Variants in UBR3 observed in about 807,000 individuals in gnomAD.
UBR3 encodes E3 ubiquitin-protein ligase UBR3.
Under a neutral mutation model 243.2 loss-of-function variants are expected in UBR3, and 85 were observed. That is an observed-to-expected ratio of 0.35 (90% CI 0.29 to 0.42). UBR3 has a LOEUF of 0.42. UBR3 is among the 10% of genes least tolerant of loss of function. The pLI is 1.00. For synonymous variants in UBR3, 748 were observed against 799.8 expected (o/e 0.94, Z 1.09); for missense variants, 1,686 against 2,300.8 (o/e 0.73, Z 5.47).
chr2:169,895,113 GT>G, intron 6 of UBR3, 67 bp from the exon 7 acceptor site: 2 of 1,396,038 alleles, frequency 1.4e-6, no homozygotes, highest in Non-Finnish European at 1.9e-6. Context: ...TGGTTTATGG[GT>G]TATTAGTTAT....
Position 169,878,538 on chromosome 2 carries a change from A to G in UBR3, c.1002A>G (p.Ala334=). Residue 334 remains alanine (A), a synonymous_variant, in exon 5 of 39, where the codon GCA becomes GCG. Coordinates refer to ENST00000272793, the MANE Select transcript of UBR3 (RefSeq NM_172070.4). ...SSLAVQGFIG[A]TGTLGQVDSS... ...TCTCCTCCAAAGGTTTCATAGGCGC[A>G]ACAGGAACTTTGGGACAAGTGGATT... is the stretch of plus-strand genomic sequence containing the variant. 1 of 1,551,486 alleles carries G rather than the reference A, an allele frequency of 6.4e-7. No individual in the cohort carries two copies. Among genetic ancestry groups the G allele is most frequent in the South Asian group, 1.2e-5 (1 of 83,910 alleles).
At chr2:170,064,131 C>T (rs1488710109) in intron 35 of UBR3, among the ~76,000 whole-genome samples, 1 of 152,130 alleles carries the variant, frequency 6.6e-6, no homozygotes, top group African/African-American at 2.4e-5. Flanking sequence ...ATATACTTAG[C>T]CAGTTAAATT....
At chr2:169,881,712 G>GTA (rs199578146) in intron 5 of UBR3, among the ~76,000 whole-genome samples, 10,086 of 126,814 alleles carry the variant, frequency 0.08, 518 homozygotes, top group African/African-American at 0.15. Flanking sequence ...AATTATATAT[G>GTA]TATATGTATA....
intron 24 of UBR3, among the ~76,000 whole-genome samples, chr2:169,970,388 A>G (rs1474893307): frequency 0.011 from 1 of 90 alleles, no homozygotes; most frequent in Non-Finnish European, 0.033. Context: ...TTAGTTACAT[A>G]TGTATACATT....
intron 1 of UBR3, among the ~76,000 whole-genome samples, chr2:169,856,028 T>C (rs1161352539): frequency 4.0e-5 from 6 of 151,622 alleles, no homozygotes; most frequent in Non-Finnish European, 8.8e-5. Flanking sequence ...GCTCCTCACC[T>C]GCCAGACGGG....
intron 24 of UBR3, among the ~76,000 whole-genome samples, chr2:169,983,092 CG>C (rs2088816638): frequency 6.6e-6 from 1 of 151,276 alleles, no homozygotes; most frequent in South Asian, 2.1e-4. Flanking sequence ...AGAGTGAGAG[CG>C]AGAGAGAGAA....
At chr2:169,956,430 T>G (rs1018842933) in intron 23 of UBR3, among the ~76,000 whole-genome samples, 2 of 151,958 alleles carry the variant, frequency 1.3e-5, no homozygotes, top group African/African-American at 2.4e-5. Flanking sequence ...TAGGACATGT[T>G]CAGAAAGGGA....
At chr2:169,940,037 C>G (rs763654444) in intron 19 of UBR3, among the ~76,000 whole-genome samples, 1 of 151,962 alleles carries the variant, frequency 6.6e-6, no homozygotes, top group African/African-American at 2.4e-5. Context: ...CTTAACATTA[C>G]CTTTTACACA....
At chr2:169,842,606 G>GC (rs1437359777) in intron 1 of UBR3, among the ~76,000 whole-genome samples, 4 of 151,870 alleles carry the variant, frequency 2.6e-5, no homozygotes, top group Non-Finnish European at 4.4e-5. Flanking sequence ...GAGACCACGA[G>GC]CCCGCCAGGA....
intron 26 of UBR3, among the ~76,000 whole-genome samples, chr2:169,999,417 A>G (rs2089611852): frequency 6.6e-6 from 1 of 152,244 alleles, no homozygotes; most frequent in African/African-American, 2.4e-5. Flanking sequence ...TCAACTTTAG[A>G]TACTCGTGAA....
At chr2:169,841,096 C>A (rs1291435530) in intron 1 of UBR3, among the ~76,000 whole-genome samples, 3 of 152,174 alleles carry the variant, frequency 2.0e-5, no homozygotes, top group African/African-American at 7.2e-5. Context: ...ACACCTTTGC[C>A]ACGCCCTTGG....
At position 169,940,688 on chromosome 2, in the gene UBR3, A is replaced by G. The variant is rs1295022710; in HGVS notation, c.2664-1805A>G. Reference sequence around the variant, plus strand: ...GATAAGTATGTTAATATCCTTTACTATGGTTGTAGATTTGTCGTTTTCTCT... The same window carrying G: ...GATAAGTATGTTAATATCCTTTACTGTGGTTGTAGATTTGTCGTTTTCTCT... On this transcript the variant is annotated intron_variant, in intron 19 of 38. Coordinates refer to ENST00000272793, the MANE Select transcript of UBR3 (RefSeq NM_172070.4). Among the ~76,000 whole-genome samples, 4 of 152,018 alleles carry G rather than the reference A, an allele frequency of 2.6e-5. No homozygotes were observed. In the East Asian group the frequency reaches 5.8e-4, roughly 22 times the overall value.
At chr2:170,051,090 A>C (rs912790743) in intron 32 of UBR3, among the ~76,000 whole-genome samples, 3 of 152,182 alleles carry the variant, frequency 2.0e-5, no homozygotes, top group Non-Finnish European at 4.4e-5. Flanking sequence ...GCATAATGAG[A>C]AGGGCAAAAG....
chr2:169,925,609 CT>C lies in UBR3; in HGVS notation c.2023-6del. On this transcript the variant is annotated splice_polypyrimidine_tract_variant and intron_variant, in intron 13 of 38. Coordinates refer to ENST00000272793, the MANE Select transcript of UBR3 (RefSeq NM_172070.4). The stretch of plus-strand genomic sequence containing the variant: ...GATAATTTATTCTTTGTCCAATTTA[CT>C]TTTATTAGGCAAGTCTTGCAGAAAT... 1.3e-6 allele frequency: 2 copies of C among 1,534,646 alleles called. No individual in the cohort carries two copies. The highest frequency in any genetic ancestry group is 1.8e-6 in the Non-Finnish European group (2 of 1,141,276).
chr2:169,884,884 TATAGA>T (rs1409392997), intron 5 of UBR3, among the ~76,000 whole-genome samples: 5 of 152,204 alleles, frequency 3.3e-5, no homozygotes, highest in African/African-American at 1.2e-4. Flanking sequence ...CAATAATTAT[TATAGA>T]ATAGAATAGA....
chr2:169,962,516 G>C lies in UBR3; in HGVS notation c.3634+3990G>C, dbSNP rs80107975. On this transcript the variant is annotated intron_variant, in intron 24 of 38. Coordinates refer to ENST00000272793, the MANE Select transcript of UBR3 (RefSeq NM_172070.4). Reference sequence around the variant, plus strand: ...TTCTTTTTAAGCCACTGAGCATCAGGGTATTTTGTTATACAGCAATACTTT... The same window carrying C: ...TTCTTTTTAAGCCACTGAGCATCAGCGTATTTTGTTATACAGCAATACTTT... Among the ~76,000 whole-genome samples the C allele has an allele frequency of 3.7e-3, 569 of 151,936 alleles. 3 individuals are homozygous for C. Among genetic ancestry groups the C allele is most frequent in the African/African-American group, 0.013 (532 of 41,442 alleles).
chr2:170,015,401 T>G, intron 30 of UBR3, 35 bp downstream of exon 30: 1 of 1,542,956 alleles, frequency 6.5e-7, no homozygotes, highest in Non-Finnish European at 8.8e-7. Flanking sequence ...TAAAAAAAAT[T>G]CTGTCATTTT....
chr2:170,082,747 T>C lies in UBR3; in HGVS notation c.*904T>C, dbSNP rs114994393. On this transcript the variant is annotated 3_prime_UTR_variant, in exon 39 of 39. Coordinates refer to ENST00000272793, the MANE Select transcript of UBR3 (RefSeq NM_172070.4). ...AGAAATGCTCAGACTTCCCCAGAAATGAACCATAAATTTTGGAACTTCCTT... is the reference window on the plus strand; with the variant it reads ...AGAAATGCTCAGACTTCCCCAGAAACGAACCATAAATTTTGGAACTTCCTT... 365 of 152,344 alleles carry C rather than the reference T, an allele frequency of 2.4e-3. 2 individuals carry two copies. Among genetic ancestry groups the C allele is most frequent in the African/African-American group, 8.5e-3 (355 of 41,550 alleles). The allele number at this position is 152,344 out of a possible 1,614,324, so 9.4% of individuals were successfully genotyped here. A position where few individuals can be genotyped will look rare whatever the true frequency, so the allele number is the denominator to read the frequency against.
In UBR3 at chr2:169,986,637, T is replaced by C; in HGVS notation, c.3635-8T>C. Reference sequence around the variant, plus strand: ...AGGAATTAAAGAGATGTAACTTTTTTCCCTCAGATTCTCCTGAGAATGATA... The same window carrying C: ...AGGAATTAAAGAGATGTAACTTTTTCCCCTCAGATTCTCCTGAGAATGATA... On this transcript the variant is annotated splice_region_variant and splice_polypyrimidine_tract_variant and intron_variant, in intron 24 of 38. Coordinates refer to ENST00000272793, the MANE Select transcript of UBR3 (RefSeq NM_172070.4). The C allele has an allele frequency of 6.2e-7, 1 of 1,601,278 alleles. No individual in the cohort carries two copies. The highest frequency in any genetic ancestry group is 8.5e-7 in the Non-Finnish European group (1 of 1,174,932).
Sources: allele counts gnomAD v4.1 joint callset (sites outside exome capture counted in the v4.1 genomes callset), GRCh38; gene constraint gnomAD v4.1.1; transcripts MANE v1.5; gene names NCBI Gene and HGNC (gene_info 2026-07-23, HGNC 2026-07-21).